The following MICAL2 variants were observed in gnomAD, a reference collection of about 807,000 sequenced individuals.
MICAL2 encodes [F-actin]-monooxygenase MICAL2.
MICAL2 carries 77 observed loss-of-function variants against 127.3 expected under a neutral mutation model. The observed-to-expected ratio is 0.60, with a 90% confidence interval of 0.50 to 0.73. The LOEUF (loss-of-function observed/expected upper bound fraction) is 0.73. MICAL2 is among the 30% of genes least tolerant of loss of function. MICAL2 has a pLI of 0.00. For synonymous variants in MICAL2, 570 were observed against 551.1 expected (o/e 1.03, Z -0.48); for missense variants, 1,351 against 1,434.4 (o/e 0.94, Z 0.94).
intron 2 of MICAL2, among the ~76,000 whole-genome samples, chr11:12,144,684 C>A (rs1286179576): frequency 1.3e-5 from 2 of 152,250 alleles, no homozygotes; most frequent in Non-Finnish European, 2.9e-5. Flanking sequence ...AACCTCAATG[C>A]TCGTGCACCT....
Position 12,162,219 on chromosome 11 carries a change from G to A in MICAL2, c.64G>A (p.Ala22Thr). The A allele has an allele frequency of 6.2e-7, 1 of 1,614,190 alleles. No individual in the cohort carries two copies. The highest frequency in any genetic ancestry group is 8.5e-7 in the Non-Finnish European group (1 of 1,180,046). ...AGQVFENFVQASTCKGTLQAF... is the reference protein window; with the variant it reads ...AGQVFENFVQTSTCKGTLQAF... ...GCAGGTTTTTGAGAACTTTGTCCAG[G>A]CATCCACGTGCAAAGGTACCCTCCA... Residue 22 changes from alanine (A) to threonine (T), a missense_variant, in exon 3 of 28, where the codon GCA (alanine) becomes ACA (threonine). By Grantham distance (58) the Ala-to-Thr change is moderately conservative. Coordinates refer to ENST00000683283, the MANE Select transcript of MICAL2 (RefSeq NM_001282663.2).
intron 17 of MICAL2, 109 bp from the exon 18 acceptor site, chr11:12,240,931 T>A: frequency 7.0e-7 from 1 of 1,426,486 alleles, no homozygotes; most frequent in East Asian, 2.3e-5. Flanking sequence ...ACTTGCAACC[T>A]TCGTCTCCCT....
intron 29 of MICAL2, among the ~76,000 whole-genome samples, chr11:12,311,228 A>C (rs955289616): frequency 2.0e-5 from 3 of 152,136 alleles, no homozygotes; most frequent in African/African-American, 4.8e-5. Context: ...TTTGAATGTT[A>C]AATCATTATT....
At chr11:12,238,416 A>G (rs553158675) in intron 16 of MICAL2, among the ~76,000 whole-genome samples, 2 of 152,332 alleles carry the variant, frequency 1.3e-5, no homozygotes, top group Admixed American at 1.3e-4. Flanking sequence ...CTACATCACC[A>G]CTTATAAGTC....
intron 3 of MICAL2, among the ~76,000 whole-genome samples, chr11:12,175,577 T>C (rs1856746751): frequency 7.1e-6 from 1 of 140,562 alleles, no homozygotes; most frequent in Admixed American, 7.6e-5. Flanking sequence ...AACAAATGTG[T>C]GGGGAGTCTG....
chr11:12,315,378 G>T (rs1864220580), intron 29 of MICAL2, among the ~76,000 whole-genome samples: 1 of 152,108 alleles, frequency 6.6e-6, no homozygotes, highest in African/African-American at 2.4e-5. Flanking sequence ...AATATGTTGT[G>T]TTTTCATTCC....
intron 3 of MICAL2, among the ~76,000 whole-genome samples, chr11:12,167,340 T>G (rs1290790557): frequency 6.6e-6 from 1 of 152,106 alleles, no homozygotes; most frequent in Non-Finnish European, 1.5e-5. Context: ...ACCACACACC[T>G]TTTGCTCCTG....
intron 2 of MICAL2, among the ~76,000 whole-genome samples, chr11:12,149,090 C>T (rs1853287238): frequency 6.6e-6 from 1 of 152,162 alleles, no homozygotes. Context: ...GATGTTTCAG[C>T]CCTAAAGACC....
chr11:12,172,789 C>T (rs1385609572), intron 3 of MICAL2, among the ~76,000 whole-genome samples: 1 of 152,148 alleles, frequency 6.6e-6, no homozygotes, highest in East Asian at 1.9e-4. Context: ...GGTCAGTCTC[C>T]TCCCCCTGCT....
chr11:12,239,676 C>G, intron 17 of MICAL2, 91 bp downstream of exon 17: 1 of 1,469,180 alleles, frequency 6.8e-7, no homozygotes, highest in Non-Finnish European at 9.2e-7. Context: ...GATATGCCAG[C>G]CAGGCCTGGT....
chr11:12,252,818 T>A (rs1354254949), intron 22 of MICAL2: 2 of 152,192 alleles, frequency 1.3e-5, no homozygotes, highest in Non-Finnish European at 2.9e-5. Context: ...TTGATGGAAG[T>A]CATCATTTCA....
At chr11:12,132,645 A>G (rs953259151) in intron 1 of MICAL2, among the ~76,000 whole-genome samples, 2 of 152,178 alleles carry the variant, frequency 1.3e-5, no homozygotes, top group African/African-American at 4.8e-5. Context: ...GTGTCCTGTG[A>G]GGGTCAGCAG....
intron 1 of MICAL2, among the ~76,000 whole-genome samples, chr11:12,126,547 G>A (rs1181869749): frequency 6.6e-6 from 1 of 152,030 alleles, no homozygotes; most frequent in Non-Finnish European, 1.5e-5. Context: ...TGACCTGATT[G>A]GGGAGGTGAC....
At chr11:12,286,871 C>G (rs1863833338) in intron 2 of MICAL2, 2 of 349,082 alleles carry the variant, frequency 5.7e-6, no homozygotes, top group Non-Finnish European at 1.0e-5. Flanking sequence ...AACAAAAACA[C>G]AAAAATATTT....
At position 12,255,454 on chromosome 11, in the gene MICAL2, ATTTTC is replaced by A. The variant is rs1335714489; in HGVS notation, c.2848-182_2848-178del. 4 of 589,110 alleles carry A rather than the reference ATTTTC, an allele frequency of 6.8e-6. No individual in the cohort carries two copies. The African/African-American group carries it at 7.5e-5, about 11-fold the overall frequency. The allele number at this position is 589,110 out of a possible 1,614,324, so 36.5% of individuals were successfully genotyped here. A position where few individuals can be genotyped will look rare whatever the true frequency, so the allele number is the denominator to read the frequency against. ...TTTTTGCGGCCACAGGGTTTTATTT[ATTTTC>A]TTTTCTCCACCTCCAGAATCCCCGC... is the stretch of plus-strand genomic sequence containing the variant. On this transcript the variant is annotated intron_variant, in intron 22 of 27. Transcript: ENST00000683283.
intron 29 of MICAL2, among the ~76,000 whole-genome samples, chr11:12,302,830 G>GTGGCATTTTAATATTTTAAT (rs1864062744): frequency 6.6e-6 from 1 of 152,160 alleles, no homozygotes; most frequent in African/African-American, 2.4e-5. Flanking sequence ...CACCTGGCCA[G>GTGGCATTTTAATATTTTAAT]AAGTATTTAT....
chr11:12,158,657 G>A (rs1854453846), intron 2 of MICAL2, among the ~76,000 whole-genome samples: 1 of 152,218 alleles, frequency 6.6e-6, no homozygotes, highest in South Asian at 2.1e-4. Context: ...GAGAGAATGT[G>A]TGTAAGTTAT....
At chr11:12,217,161 T>G (rs1856275353) in intron 8 of MICAL2, among the ~76,000 whole-genome samples, 1 of 152,218 alleles carries the variant, frequency 6.6e-6, no homozygotes. Context: ...CTGTCACTGC[T>G]GCTGCTGCAA....
chr11:12,349,738 C>T, intron 32 of MICAL2: 2 of 1,134,686 alleles, frequency 1.8e-6, no homozygotes, highest in East Asian at 2.5e-5. Flanking sequence ...CTGCAGAGCC[C>T]TTGTCACTAC....
Sources: allele counts gnomAD v4.1 joint callset (sites outside exome capture counted in the v4.1 genomes callset), GRCh38; gene constraint gnomAD v4.1.1; transcripts MANE v1.5; gene names NCBI Gene and HGNC (gene_info 2026-07-23, HGNC 2026-07-21).